The following ATP7B variants were observed in gnomAD, a reference collection of about 807,000 sequenced individuals.
The protein encoded by ATP7B is copper-transporting ATPase 2.
In ATP7B, 113 loss-of-function variants were observed where a neutral mutation model predicts 118.9. That is an observed-to-expected ratio of 0.95 (90% confidence interval 0.82 to 1.11). The LOEUF (loss-of-function observed/expected upper bound fraction) is 1.11, where lower values mean the gene tolerates loss of function less well. Among genes scored for constraint, ATP7B ranks in the 50% most tolerant of loss-of-function variants. The probability of loss-of-function intolerance (pLI) is 0.00; values close to 1 mark genes in which losing one functional copy is unlikely to be tolerated. For missense variants in ATP7B, 1,867 were observed against 1,871.4 expected (o/e 1.00, Z 0.04); for synonymous variants, 777 against 727.4 (o/e 1.07, Z -1.10).
Position 52,011,291 on chromosome 13 carries a change from CG to C in ATP7B, c.46del (p.Arg16GlyfsTer18). On this transcript the variant is annotated frameshift_variant, in exon 1 of 21. Transcript: ENST00000242839. LOFTEE classifies it high-confidence loss of function. ...RQITAREGAS[R>X]KILSKLSLPT... ...ACGCGGGGGAACAAAACTCACTTTC[CG>C]ACTGGCCCCTTCTCTGGCTGTGATC... 6.2e-7 allele frequency: 1 copy of C among 1,614,212 alleles called. No homozygotes were observed. The highest frequency in any genetic ancestry group is 2.2e-5 in the East Asian group (1 of 44,888).
At chr13:51,951,040 T>C (rs1292920014) in intron 9 of ATP7B, among the ~76,000 whole-genome samples, 1 of 151,978 alleles carries the variant, frequency 6.6e-6, no homozygotes, top group Non-Finnish European at 1.5e-5. Flanking sequence ...AGCAGGAAAG[T>C]GACACAATCT....
intron 1 of ATP7B, chr13:51,978,795 T>C (rs911082612): frequency 1.3e-5 from 2 of 152,354 alleles, no homozygotes; most frequent in African/African-American, 2.4e-5. Flanking sequence ...AAACCAACTT[T>C]AGTACATTAC....
rs749171049 is a variant in ATP7B at position 51,935,614 on chromosome 13, A to G, written c.4103T>C (p.Leu1368Pro). Residue 1368 changes from leucine (L) to proline (P), a missense_variant, in exon 20 of 21, where the codon CTC (leucine) becomes CCC (proline). By Grantham distance (98) the Leu-to-Pro change is moderately conservative. Transcript: ENST00000242839. ...TCACCACTTGAGCTGCAGGGATGAG[A>G]GCACCACAGACACAGAGGAGGCTGC... is the stretch of plus-strand genomic sequence containing the variant. ...AMAASSVSVV[L>P]SSLQLKCYKK... is the part of the protein sequence containing the mutation. The G allele has an allele frequency of 6.2e-7, 1 of 1,613,692 alleles. No individual in the cohort carries two copies. Among genetic ancestry groups the G allele is most frequent in the East Asian group, 2.2e-5 (1 of 44,876 alleles).
At chr13:51,943,435 A>T (rs1217679113) in intron 14 of ATP7B, among the ~76,000 whole-genome samples, 1 of 152,208 alleles carries the variant, frequency 6.6e-6, no homozygotes, top group Admixed American at 6.5e-5. Context: ...GCCCCTGATC[A>T]GGAAGAGTTG....
chr13:52,007,515 C>T (rs957153908), intron 1 of ATP7B, among the ~76,000 whole-genome samples: 2 of 152,222 alleles, frequency 1.3e-5, no homozygotes, highest in African/African-American at 4.8e-5. Context: ...GTCTTCTGTA[C>T]TGTTTCCACT....
chr13:51,952,493 G>A (rs1958071192), intron 9 of ATP7B, among the ~76,000 whole-genome samples: 1 of 152,194 alleles, frequency 6.6e-6, no homozygotes. Context: ...TGAGTGCTAG[G>A]AACTGTGCTA....
In ATP7B at chr13:51,968,559, T is replaced by G. The variant is rs766056500; in HGVS notation, c.1592A>C (p.Lys531Thr). 6.2e-7 allele frequency: 1 copy of G among 1,614,204 alleles called. No individual in the cohort carries two copies. The change falls in exon 4 of 21, where the codon AAG becomes ACG. Residue 531 changes from lysine (K) to threonine (T), a missense_variant. Lys to Thr is a moderately conservative substitution (Grantham distance 78). Coordinates refer to ENST00000242839, the MANE Select transcript of ATP7B (RefSeq NM_000053.4). ...VALMAGKAEI[K>T]YDPEVIQPLE... is the part of the protein sequence containing the mutation. Reference sequence around the variant, plus strand: ...GGGCTGGATGACCTCTGGGTCATACTTGATCTCTGCCTTTCCTGCCATCAA... The same window carrying G: ...GGGCTGGATGACCTCTGGGTCATACGTGATCTCTGCCTTTCCTGCCATCAA...
At chr13:51,949,492 GTGAC>G (rs574008270) in intron 12 of ATP7B, among the ~76,000 whole-genome samples, 166 bp downstream of exon 12, 177 of 152,226 alleles carry the variant, frequency 1.2e-3, no homozygotes, top group Non-Finnish European at 2.2e-3. Flanking sequence ...CAGAAGGAGA[GTGAC>G]TGTTTATCCT....
rs575345862 is a variant in ATP7B at position 51,997,387 on chromosome 13, T to G, written c.51+13900A>C. ...TGAGATCATTATAAATATAAATGCTTCTTCTGTGCTGTGCCTATGAATAGC... is the reference window on the plus strand; with the variant it reads ...TGAGATCATTATAAATATAAATGCTGCTTCTGTGCTGTGCCTATGAATAGC... On this transcript the variant is annotated intron_variant, in intron 1 of 20. Coordinates refer to ENST00000242839, the MANE Select transcript of ATP7B (RefSeq NM_000053.4). Among the ~76,000 whole-genome samples the G allele has an allele frequency of 1.1e-4, 16 of 152,370 alleles. No individual in the cohort carries two copies. The East Asian group carries it at 1.5e-3, about 15-fold the overall frequency.
intron 1 of ATP7B, among the ~76,000 whole-genome samples, chr13:52,007,714 T>G (rs1324024222): frequency 1.3e-5 from 2 of 152,190 alleles, no homozygotes; most frequent in Non-Finnish European, 2.9e-5. Context: ...CACATGCCAG[T>G]CGCTGGGTCT....
chr13:51,958,828 G>A (rs1243769965), intron 7 of ATP7B: 6 of 478,822 alleles, frequency 1.3e-5, no homozygotes, highest in African/African-American at 8.1e-5. Context: ...AAAAAATCAC[G>A]ACTCATTTGT....
intron 9 of ATP7B, among the ~76,000 whole-genome samples, chr13:51,954,119 A>G (rs9535804): frequency 0.043 from 6,506 of 152,266 alleles, 211 homozygotes; most frequent in South Asian, 0.11. Flanking sequence ...TGCAACTTCC[A>G]TGCTGAGCCC....
chr13:51,950,177 A>C lies in ATP7B; in HGVS notation c.2576-16T>G. ...ATGGCTTCTCCTAGACGTAGGAAAG[A>C]GACAACTGTCACTTGCTCAGCCCCA... On this transcript the variant is annotated splice_polypyrimidine_tract_variant and intron_variant, in intron 10 of 20. Transcript: ENST00000242839. 6.2e-7 allele frequency: 1 copy of C among 1,614,176 alleles called. No individual in the cohort carries two copies. The highest frequency in any genetic ancestry group is 8.5e-7 in the Non-Finnish European group (1 of 1,180,030).
At chr13:51,986,525 A>C (rs1245368625) in intron 1 of ATP7B, among the ~76,000 whole-genome samples, 1 of 152,224 alleles carries the variant, frequency 6.6e-6, no homozygotes, top group African/African-American at 2.4e-5. Flanking sequence ...AAACTATTCC[A>C]AACAATAGAA....
intron 19 of ATP7B, among the ~76,000 whole-genome samples, chr13:51,936,625 A>G (rs1273270987): frequency 6.6e-6 from 1 of 152,142 alleles, no homozygotes; most frequent in African/African-American, 2.4e-5. Context: ...CCTGGGCTCA[A>G]TAAATCCTTC....
intron 1 of ATP7B, among the ~76,000 whole-genome samples, chr13:51,979,144 T>C (rs1265258302): frequency 1.3e-5 from 2 of 152,202 alleles, no homozygotes; most frequent in South Asian, 2.1e-4. Flanking sequence ...AAACCTCTGC[T>C]TGCATCACAC....
Position 51,944,136 on chromosome 13 carries a change from G to T in ATP7B, c.3216C>A (p.Gly1072=), listed in dbSNP as rs971285419. The T allele has an allele frequency of 1.9e-6, 3 of 1,614,086 alleles. No homozygotes were observed. Among genetic ancestry groups the T allele is most frequent in the Non-Finnish European group, 1.7e-6 (2 of 1,180,018 alleles). ...TAEASSEHPL[G]VAVTKYCKEE... is the part of the protein sequence containing the mutation. ...CTTTACAGTATTTGGTGACTGCCACGCCCAAGGGGTGTTCACTGCTGGCCT... is the reference window on the plus strand; with the variant it reads ...CTTTACAGTATTTGGTGACTGCCACTCCCAAGGGGTGTTCACTGCTGGCCT... The change falls in exon 14 of 21, where the codon GGC becomes GGA. Residue 1072 remains glycine (G), a synonymous_variant. Transcript: ENST00000242839.
intron 1 of ATP7B, among the ~76,000 whole-genome samples, chr13:51,987,492 G>C (rs1180787172): frequency 6.6e-6 from 1 of 152,156 alleles, no homozygotes; most frequent in Non-Finnish European, 1.5e-5. Flanking sequence ...ACTGCCCAAA[G>C]TAATTTATAG....
At position 51,965,048 on chromosome 13, in the gene ATP7B, G is replaced by A. The variant is rs1185357824; in HGVS notation, c.1708-15C>T. On this transcript the variant is annotated splice_polypyrimidine_tract_variant and intron_variant, in intron 4 of 20. Transcript: ENST00000242839. ...ATCCCTGTGATCTGCAACACAGGATGGCAAGAATCCCACAGACCCAGGATC... is the reference window on the plus strand; with the variant it reads ...ATCCCTGTGATCTGCAACACAGGATAGCAAGAATCCCACAGACCCAGGATC... The A allele has an allele frequency of 5.0e-6, 8 of 1,613,816 alleles. No homozygotes were observed. Among genetic ancestry groups the A allele is most frequent in the Non-Finnish European group, 6.8e-6 (8 of 1,180,012 alleles).
Sources: gnomAD v4.1 joint callset for allele counts (sites outside exome capture counted in the v4.1 genomes callset) on GRCh38, gnomAD v4.1.1 for gene constraint, MANE v1.5 for transcripts, NCBI Gene and HGNC (gene_info 2026-07-23, HGNC 2026-07-21) for gene names.